The following PCDHAC1 variants were observed in gnomAD, a reference collection of about 807,000 sequenced individuals.
PCDHAC1 encodes protocadherin alpha-C1.
Under a neutral mutation model 60.0 loss-of-function variants are expected in PCDHAC1, and 42 were observed. That is an observed-to-expected ratio of 0.70 (90% confidence interval 0.55 to 0.90). The LOEUF (loss-of-function observed/expected upper bound fraction) is 0.90. Among genes scored for constraint, PCDHAC1 ranks in the 40% least tolerant of loss-of-function variants. The pLI, the probability that PCDHAC1 is intolerant of heterozygous loss-of-function variation, is 0.00. For missense variants in PCDHAC1, 1,160 were observed against 1,222.3 expected (o/e 0.95, Z 0.76); for synonymous variants, 468 against 499.3 (o/e 0.94, Z 0.84).
At chr5:140,933,773 A>G (rs2089413998) in intron 1 of PCDHAC1, among the ~76,000 whole-genome samples, 1 of 152,040 alleles carries the variant, frequency 6.6e-6, no homozygotes, top group South Asian at 2.1e-4. Context: ...CTGTACCTAC[A>G]GTTTTCTTTG....
intron 3 of PCDHAC1, among the ~76,000 whole-genome samples, chr5:140,995,371 C>T (rs143381591): frequency 1.3e-5 from 2 of 152,238 alleles, no homozygotes; most frequent in African/African-American, 2.4e-5. Flanking sequence ...GGATGATTCA[C>T]GTACTGGGCA....
At chr5:140,945,393 T>G (rs2153669728) in intron 1 of PCDHAC1, among the ~76,000 whole-genome samples, 1 of 152,208 alleles carries the variant, frequency 6.6e-6, no homozygotes, top group East Asian at 1.9e-4. Flanking sequence ...AATATACAAA[T>G]TCAATACAAT....
chr5:141,007,775 A>G (rs1156577699), intron 3 of PCDHAC1, among the ~76,000 whole-genome samples: 2 of 152,216 alleles, frequency 1.3e-5, no homozygotes, highest in Non-Finnish European at 2.9e-5. Context: ...TGGAAATGGT[A>G]CTGCTTTACA....
In PCDHAC1 at chr5:141,011,894, T is replaced by G. The variant is rs1303053966; in HGVS notation, c.*1957T>G. 6.5e-6 allele frequency: 1 copy of G among 153,306 alleles called. No homozygotes were observed. The highest frequency in any genetic ancestry group is 1.5e-5 in the Non-Finnish European group (1 of 68,044). The allele number at this position is 153,306 out of a possible 1,614,324, so 9.5% of individuals were successfully genotyped here. ...AATTTAGAAGTTTGATTAATTATAT[T>G]ATCTATTTAGGCATTAATATAAAAG... On this transcript the variant is annotated 3_prime_UTR_variant, in exon 4 of 4. Transcript: ENST00000253807.
At chr5:140,997,504 C>T (rs2097772452) in intron 3 of PCDHAC1, among the ~76,000 whole-genome samples, 1 of 152,042 alleles carries the variant, frequency 6.6e-6, no homozygotes, top group South Asian at 2.1e-4. Flanking sequence ...TCTCAACATA[C>T]CTAAACGCAG....
chr5:140,995,800 A>G (rs180764210), intron 3 of PCDHAC1, among the ~76,000 whole-genome samples: 3 of 152,282 alleles, frequency 2.0e-5, no homozygotes, highest in Non-Finnish European at 2.9e-5. Context: ...GTCTCATGTT[A>G]GTTTCTGAAG....
intron 3 of PCDHAC1, among the ~76,000 whole-genome samples, chr5:141,004,580 A>G (rs782539696): frequency 5.3e-5 from 8 of 152,222 alleles, no homozygotes; most frequent in Non-Finnish European, 1.2e-4. Context: ...TGTGTTCTGC[A>G]TCTCCAGATG....
intron 1 of PCDHAC1, among the ~76,000 whole-genome samples, chr5:140,957,226 C>T (rs1421287024): frequency 1.3e-5 from 2 of 152,080 alleles, no homozygotes; most frequent in African/African-American, 4.8e-5. Context: ...TTTGGCGAAG[C>T]ATTTTGGCAT....
intron 1 of PCDHAC1, chr5:140,969,414 G>C: frequency 6.4e-7 from 1 of 1,566,012 alleles, no homozygotes; most frequent in Non-Finnish European, 8.7e-7. Context: ...GCTTTATTGA[G>C]TCATTAACAG....
At chr5:140,989,109 A>C (rs2097330096) in intron 3 of PCDHAC1, 2 of 152,240 alleles carry the variant, frequency 1.3e-5, no homozygotes, top group African/African-American at 4.8e-5. Context: ...CAACTTTTGA[A>C]TATATCTTAG....
intron 1 of PCDHAC1, among the ~76,000 whole-genome samples, chr5:140,974,423 C>T (rs2096627451): frequency 6.6e-6 from 1 of 152,166 alleles, no homozygotes; most frequent in Non-Finnish European, 1.5e-5. Flanking sequence ...ATTTTACTTT[C>T]CTGGTTTGTA....
chr5:141,006,503 G>A (rs1163915409), intron 3 of PCDHAC1, among the ~76,000 whole-genome samples: 2 of 152,168 alleles, frequency 1.3e-5, no homozygotes, highest in South Asian at 2.1e-4. Context: ...GTGAGCCACC[G>A]CGCCTGGCTG....
intron 1 of PCDHAC1, among the ~76,000 whole-genome samples, chr5:140,952,123 C>T (rs1182943342): frequency 6.6e-6 from 1 of 152,056 alleles, no homozygotes; most frequent in Non-Finnish European, 1.5e-5. Context: ...GATGGGCTCC[C>T]AAGGCCTTGG....
At chr5:140,982,217 C>A in intron 2 of PCDHAC1, 1 of 507,664 alleles carries the variant, frequency 2.0e-6, no homozygotes, top group Non-Finnish European at 3.1e-6. Flanking sequence ...CGCCACATGG[C>A]GTTAATAAAA....
rs2097783097 is a variant in PCDHAC1, at chr5:140,997,727, C to T, written c.2582-11900C>T. Reference sequence around the variant, plus strand: ...TAACAAACACCTTTCTACGTCAGTACATATAGATTTGCCACAATCTTCTTG... The same window carrying T: ...TAACAAACACCTTTCTACGTCAGTATATATAGATTTGCCACAATCTTCTTG... On this transcript the variant is annotated intron_variant, in intron 3 of 3. Coordinates refer to ENST00000253807, the MANE Select transcript of PCDHAC1 (RefSeq NM_018898.5). Among the ~76,000 whole-genome samples the T allele has an allele frequency of 2.0e-5, 3 of 151,244 alleles. No individual in the cohort carries two copies. In the South Asian group the frequency reaches 6.3e-4, roughly 32 times the overall value.
At chr5:140,995,546 C>T (rs2097688546) in intron 3 of PCDHAC1, among the ~76,000 whole-genome samples, 1 of 152,184 alleles carries the variant, frequency 6.6e-6, no homozygotes, top group African/African-American at 2.4e-5. Context: ...AAGGGGCGAT[C>T]ACTGTACTGA....
At chr5:140,995,698 G>T (rs963042409) in intron 3 of PCDHAC1, among the ~76,000 whole-genome samples, 1 of 152,104 alleles carries the variant, frequency 6.6e-6, no homozygotes, top group African/African-American at 2.4e-5. Context: ...TTAAATAAAG[G>T]GCTGGGCTTG....
rs529251467 is a variant in PCDHAC1 at position 140,953,424 on chromosome 5, T to C, written c.2433+24099T>C. The stretch of plus-strand genomic sequence containing the variant: ...TGTTGCTCCTGGCTCCTCCCCTTTG[T>C]CCTTAAGCTGGAGAAACTAGGGATT... On this transcript the variant is annotated intron_variant, in intron 1 of 3. Transcript: ENST00000253807. 2.6e-5 allele frequency among the ~76,000 whole-genome samples: 4 copies of C among 152,230 alleles called. No individual in the cohort carries two copies. In the East Asian group the frequency reaches 7.7e-4, roughly 29 times the overall value.
intron 1 of PCDHAC1, chr5:140,967,336 C>T (rs782067589): frequency 5.0e-6 from 8 of 1,607,396 alleles, no homozygotes; most frequent in Admixed American, 1.7e-5. Context: ...TCAGCCCCAG[C>T]GAGCACTTCG....
Sources: allele counts gnomAD v4.1 joint callset (sites outside exome capture counted in the v4.1 genomes callset), GRCh38; gene constraint gnomAD v4.1.1; transcripts MANE v1.5; gene names NCBI Gene and HGNC (gene_info 2026-07-23, HGNC 2026-07-21).